Variants in PER2 observed in about 807,000 individuals in gnomAD.
PER2 encodes period circadian regulator 2.
In PER2, 66 loss-of-function variants were observed where a neutral mutation model predicts 121.0. The observed-to-expected ratio is 0.55, with a 90% CI of 0.45 to 0.67. The LOEUF (loss-of-function observed/expected upper bound fraction) is 0.67. Among genes scored for constraint, PER2 ranks in the 30% least tolerant of loss-of-function variants. PER2 has a pLI of 0.00. For synonymous variants in PER2, 684 were observed against 659.9 expected (o/e 1.04, Z -0.56); for missense variants, 1,521 against 1,635.0 (o/e 0.93, Z 1.20).
At chr2:238,279,781 G>A (rs546591905) in intron 1 of PER2, among the ~76,000 whole-genome samples, 1 of 152,294 alleles carries the variant, frequency 6.6e-6, no homozygotes, top group African/African-American at 2.4e-5. Context: ...ATCATTTTCA[G>A]CAGCCCTAGA....
At chr2:238,275,927 T>C (rs1180177301) in intron 3 of PER2, 30 bp from the exon 4 acceptor site, 2 of 1,613,564 alleles carry the variant, frequency 1.2e-6, no homozygotes. Flanking sequence ...GGCAGCCAAA[T>C]GTTAGCTTCC....
chr2:238,272,971 C>T, intron 5 of PER2, 99 bp downstream of exon 5: 1 of 1,092,998 alleles, frequency 9.1e-7, no homozygotes, highest in Non-Finnish European at 1.4e-6. Context: ...AAACCCCAAA[C>T]ACTCCTGCCT....
At chr2:238,285,076 T>C (rs966228906) in intron 1 of PER2, among the ~76,000 whole-genome samples, 2 of 152,120 alleles carry the variant, frequency 1.3e-5, no homozygotes, top group South Asian at 2.1e-4. Context: ...GGAGGGAAAA[T>C]GGCAGCCTGG....
At chr2:238,289,795 T>G (rs888634642), upstream of PER2, 1 of 152,232 alleles carries the variant, frequency 6.6e-6, no homozygotes, top group Non-Finnish European at 1.5e-5. Context: ...TCACCTTGTT[T>G]CGGTAAGCAT....
At chr2:238,257,391 G>A (rs1014953538) in intron 16 of PER2, among the ~76,000 whole-genome samples, 1 of 152,256 alleles carries the variant, frequency 6.6e-6, no homozygotes, top group African/African-American at 2.4e-5. Context: ...GCTCTTGCCT[G>A]CAGCCAGGCA....
At chr2:238,292,425 T>G (rs1025805126), upstream of PER2, among the ~76,000 whole-genome samples, 1 of 152,132 alleles carries the variant, frequency 6.6e-6, no homozygotes, top group Non-Finnish European at 1.5e-5. Flanking sequence ...GAGCCTGGAA[T>G]GTAAGCATCC....
chr2:238,250,554 G>A lies in PER2; in HGVS notation c.3464C>T (p.Ser1155Phe). Residue 1155 changes from serine (S) to phenylalanine (F), a missense_variant, in exon 21 of 23, where the codon TCC (serine) becomes TTC (phenylalanine). Ser to Phe is a radical substitution (Grantham distance 155). Coordinates refer to ENST00000254657, the MANE Select transcript of PER2 (RefSeq NM_022817.3). Reference sequence around the variant, plus strand: ...TAGGAAAACGCTGGGTGGTTACCGGGAAGGCAGCTGGTACGTCATCATGAC... The same window carrying A: ...TAGGAAAACGCTGGGTGGTTACCGGAAAGGCAGCTGGTACGTCATCATGAC... The part of the protein sequence containing the change: ...SSVMMTYQLP[S>F]RNLEAVLKED... 6.2e-7 allele frequency: 1 copy of A among 1,610,770 alleles called. No homozygotes were observed. The highest frequency in any genetic ancestry group is 8.5e-7 in the Non-Finnish European group (1 of 1,178,346).
chr2:238,268,117 T>C lies in PER2; in HGVS notation c.906A>G (p.Gln302=), dbSNP rs1696165964. 1.9e-6 allele frequency: 3 copies of C among 1,613,990 alleles called. No individual in the cohort carries two copies. Among genetic ancestry groups the C allele is most frequent in the Admixed American group, 1.7e-5 (1 of 60,014 alleles). The part of the protein sequence containing the change: ...TPYLVKVRDQ[Q]GAESQLCCLL... Reference sequence around the variant, plus strand: ...GGCAGCAAAGCTGACTCTCAGCACCTTGTTGGTCCCGCACCTTGACCAGGT... The same window carrying C: ...GGCAGCAAAGCTGACTCTCAGCACCCTGTTGGTCCCGCACCTTGACCAGGT... Residue 302 remains glutamine, a synonymous_variant, in exon 8 of 23, where the codon CAA becomes CAG. Transcript: ENST00000254657. This position sits in a 1 kb window ranked among gnomAD's most constrained non-coding sequence, Gnocchi z 4.0.
At chr2:238,254,478 G>A (rs904520779) in intron 18 of PER2, among the ~76,000 whole-genome samples, 23 of 152,334 alleles carry the variant, frequency 1.5e-4, no homozygotes, top group African/African-American at 5.3e-4. Context: ...AAGGGAAATG[G>A]GCTAGTCCAA....
At chr2:238,257,746 T>A (rs1217330988) in intron 16 of PER2, among the ~76,000 whole-genome samples, 2 of 152,224 alleles carry the variant, frequency 1.3e-5, no homozygotes, top group African/African-American at 2.4e-5. Context: ...AGTGCTGGGA[T>A]TACAGGCGTG....
At chr2:238,270,155 T>C (rs1398351293) in intron 6 of PER2, among the ~76,000 whole-genome samples, 1 of 152,246 alleles carries the variant, frequency 6.6e-6, no homozygotes, top group African/African-American at 2.4e-5. Flanking sequence ...TTGGGGTAGG[T>C]GTGCAGAGGC....
At position 238,265,581 on chromosome 2, in the gene PER2, A is replaced by ATT; in HGVS notation, c.975_976dup (p.Ile326LysfsTer37). The ATT allele has an allele frequency of 6.3e-7, 1 of 1,592,608 alleles. No individual in the cohort carries two copies. Among genetic ancestry groups the ATT allele is most frequent in the South Asian group, 1.1e-5 (1 of 90,626 alleles). On this transcript the variant is annotated frameshift_variant, in exon 9 of 23. Transcript: ENST00000254657. LOFTEE classifies it high-confidence loss of function. ...TGTAAAAATTCTCTTTTCAGGAGGA[A>ATT]TTCTAGGGGCTGAAAGAACAGAATA... is the stretch of plus-strand genomic sequence containing the variant.
chr2:238,294,876 G>A (rs1697017718), upstream of PER2, among the ~76,000 whole-genome samples: 3 of 152,196 alleles, frequency 2.0e-5, no homozygotes, highest in South Asian at 2.1e-4. Flanking sequence ...GTGACTTGGC[G>A]AATGCAGGTG....
intron 8 of PER2, among the ~76,000 whole-genome samples, chr2:238,266,185 G>A (rs981079558): frequency 6.6e-6 from 1 of 152,158 alleles, no homozygotes; most frequent in African/African-American, 2.4e-5. Flanking sequence ...CTACAGGCGT[G>A]AGCCACTGCG....
chr2:238,274,664 A>C (rs1696397054), intron 4 of PER2, among the ~76,000 whole-genome samples: 1 of 152,178 alleles, frequency 6.6e-6, no homozygotes, highest in Admixed American at 6.5e-5. Context: ...CTCCTTCCGG[A>C]AAAGGGGGCC....
chr2:238,257,212 C>T, intron 16 of PER2, 126 bp from the exon 17 acceptor site: 2 of 735,058 alleles, frequency 2.7e-6, no homozygotes, highest in Non-Finnish European at 4.5e-6. Flanking sequence ...CCCATCCCAT[C>T]CCACAGATGC....
rs963671588 is a variant in PER2, at chr2:238,266,153, T to C, written c.968-563A>G. 3.3e-5 allele frequency among the ~76,000 whole-genome samples: 5 copies of C among 152,338 alleles called. No individual in the cohort carries two copies. In the South Asian group the frequency reaches 1.0e-3, roughly 32 times the overall value. ...CTCCTGACCTCGTGATCCGCCCACC[T>C]TGGCCTCCCAAAGTGCTGGGACTAC... On this transcript the variant is annotated intron_variant, in intron 8 of 22. Coordinates refer to ENST00000254657, the MANE Select transcript of PER2 (RefSeq NM_022817.3).
rs755603841 is a variant in PER2 at position 238,245,291 on chromosome 2, G to C, written c.*1084C>G. On this transcript the variant is annotated 3_prime_UTR_variant, in exon 23 of 23. Coordinates refer to ENST00000254657, the MANE Select transcript of PER2 (RefSeq NM_022817.3). ...TAAAAGTGCTGGGGACACTGGCAGA[G>C]GCCTGAAGCTGCTCCGAGAGAGGTC... 37 of 325,780 alleles carry C rather than the reference G, an allele frequency of 1.1e-4. No homozygotes were observed. Among genetic ancestry groups the C allele is most frequent in the Non-Finnish European group, 1.9e-4 (34 of 180,044 alleles). The allele number at this position is 325,780 out of a possible 1,614,324, so 20.2% of individuals were successfully genotyped here. A position where few individuals can be genotyped will look rare whatever the true frequency, so the allele number is the denominator to read the frequency against.
the PER2 span, chr2:238,300,013 G>C: frequency 1.3e-5 from 2 of 152,250 alleles, no homozygotes; most frequent in Non-Finnish European, 2.9e-5. Flanking sequence ...GTTCTTCGCA[G>C]TGTGGTGGCG....
Sources: allele counts gnomAD v4.1 joint callset (sites outside exome capture counted in the v4.1 genomes callset), GRCh38; gene constraint gnomAD v4.1.1; non-coding constraint Gnocchi (gnomAD v3.1); transcripts MANE v1.5; gene names NCBI Gene and HGNC (gene_info 2026-07-23, HGNC 2026-07-21).